Variants in CDK6 observed in about 807,000 individuals in gnomAD.
CDK6 encodes cyclin-dependent kinase 6.
A neutral mutation model predicts 37.1 loss-of-function variants in CDK6; 6 were observed. The observed-to-expected ratio is 0.16, with a 90% CI of 0.09 to 0.32. CDK6 has a LOEUF of 0.32. CDK6 is among the 10% of genes least tolerant of loss of function. The pLI is 1.00. For synonymous variants in CDK6, 160 were observed against 161.3 expected (o/e 0.99, Z 0.06); for missense variants, 224 against 418.9 (o/e 0.53, Z 4.06).
chr7:92,670,077 A>G (rs1163438909), intron 5 of CDK6, among the ~76,000 whole-genome samples: 1 of 152,220 alleles, frequency 6.6e-6, no homozygotes, highest in Non-Finnish European at 1.5e-5. Context: ...GGAAAAAAGC[A>G]ACACCAGAAT....
At chr7:92,774,936 C>T in intron 2 of CDK6, 105 bp from the exon 3 acceptor site, 1 of 995,454 alleles carries the variant, frequency 1.0e-6, no homozygotes, top group Non-Finnish European at 1.5e-6. Flanking sequence ...AAAAAAAAGG[C>T]CAGTGTTGAT....
chr7:92,775,477 G>C (rs1799827846), intron 2 of CDK6, among the ~76,000 whole-genome samples: 2 of 152,052 alleles, frequency 1.3e-5, no homozygotes, highest in South Asian at 4.1e-4. Flanking sequence ...ACCTGCATTG[G>C]TAAACTATAT....
intron 4 of CDK6, among the ~76,000 whole-genome samples, chr7:92,701,446 C>T (rs1019691650): frequency 1.3e-5 from 2 of 151,668 alleles, no homozygotes; most frequent in African/African-American, 4.8e-5. Flanking sequence ...CGCTCTGTCG[C>T]CCAGGCTGGA....
chr7:92,796,767 A>G (rs1800423985), intron 2 of CDK6, among the ~76,000 whole-genome samples: 1 of 152,196 alleles, frequency 6.6e-6, no homozygotes, highest in Non-Finnish European at 1.5e-5. Context: ...TTCCACTTAT[A>G]CCAGTTAAAC....
At position 92,612,007 on chromosome 7, in the gene CDK6, T is replaced by G. The variant is rs551083861; in HGVS notation, c.*3133A>C. 1 of 232,972 alleles carries G rather than the reference T, an allele frequency of 4.3e-6. No homozygotes were observed. The highest frequency in any genetic ancestry group is 5.6e-5 in the Admixed American group (1 of 17,794). The allele number at this position is 232,972 out of a possible 1,614,324, so 14.4% of individuals were successfully genotyped here. ...AGTGGGAGGCTCCAACCCACTGGGT[T>G]CTTACAAGTGCTTAGAAATTGTATT... is the stretch of plus-strand genomic sequence containing the variant. On this transcript the variant is annotated 3_prime_UTR_variant, in exon 8 of 8. Transcript: ENST00000424848.
intron 4 of CDK6, among the ~76,000 whole-genome samples, chr7:92,717,109 G>A (rs1372088853): frequency 1.3e-5 from 2 of 152,058 alleles, no homozygotes; most frequent in Non-Finnish European, 2.9e-5. Flanking sequence ...CACTTTGGGA[G>A]GCTGAGACAA....
intron 5 of CDK6, among the ~76,000 whole-genome samples, chr7:92,646,139 C>A (rs1275815531): frequency 6.6e-6 from 1 of 152,192 alleles, no homozygotes; most frequent in Non-Finnish European, 1.5e-5. Flanking sequence ...CTTCAGGAAG[C>A]CCCTATTATT....
intron 7 of CDK6, among the ~76,000 whole-genome samples, chr7:92,617,584 T>C (rs1455824452): frequency 6.6e-6 from 1 of 152,170 alleles, no homozygotes. Flanking sequence ...CAGTGAGGTA[T>C]TTTATATGTC....
rs1346913749 is a variant in CDK6, at chr7:92,608,673, A to G, written c.*6467T>C. The G allele has an allele frequency of 8.6e-6, 2 of 231,450 alleles. No individual in the cohort carries two copies. Among genetic ancestry groups the G allele is most frequent in the Admixed American group, 5.6e-5 (1 of 17,720 alleles). The allele number at this position is 231,450 out of a possible 1,614,324, so 14.3% of individuals were successfully genotyped here. On this transcript the variant is annotated 3_prime_UTR_variant, in exon 8 of 8. Transcript: ENST00000424848. The stretch of plus-strand genomic sequence containing the variant: ...ACTTTCGGAGAATTGTGTTGTACTT[A>G]TTTATGCACAGAAGACACCCGTTTG...
chr7:92,611,156 CACT>C lies in CDK6; in HGVS notation c.*3981_*3983del. ...TCCAGAATTTCCTTTATCTATTGCC[CACT>C]GTTTTATGAATAATTTTTAAAGCCT... On this transcript the variant is annotated 3_prime_UTR_variant, in exon 8 of 8. Transcript: ENST00000424848. 1 of 226,734 alleles carries C rather than the reference CACT, an allele frequency of 4.4e-6. No individual in the cohort carries two copies. Among genetic ancestry groups the C allele is most frequent in the African/African-American group, 2.2e-5 (1 of 45,020 alleles). The allele number at this position is 226,734 out of a possible 1,614,324, so 14.0% of individuals were successfully genotyped here. A position where few individuals can be genotyped will look rare whatever the true frequency, so the allele number is the denominator to read the frequency against.
chr7:92,802,874 A>C (rs1800618599), intron 2 of CDK6, among the ~76,000 whole-genome samples: 1 of 152,118 alleles, frequency 6.6e-6, no homozygotes, highest in African/African-American at 2.4e-5. Context: ...TCTACTCACT[A>C]AATACTAATC....
intron 2 of CDK6, among the ~76,000 whole-genome samples, chr7:92,828,920 G>A (rs7808102): frequency 3.9e-4 from 59 of 152,068 alleles, no homozygotes; most frequent in African/African-American, 1.4e-3. Context: ...GAGACAGAAA[G>A]AACAAACATA....
chr7:92,687,103 C>T (rs944323096), intron 4 of CDK6, among the ~76,000 whole-genome samples: 8 of 152,184 alleles, frequency 5.3e-5, no homozygotes, highest in Non-Finnish European at 7.3e-5. Flanking sequence ...AGAACTCTGA[C>T]ATATGGCAAA....
chr7:92,827,611 C>T (rs943468732), intron 2 of CDK6, among the ~76,000 whole-genome samples: 4 of 152,152 alleles, frequency 2.6e-5, no homozygotes, highest in Non-Finnish European at 5.9e-5. Flanking sequence ...CTCCACCAAA[C>T]CTAGCATCTA....
At position 92,614,451 on chromosome 7, in the gene CDK6, A is replaced by T. The variant is rs1795628201; in HGVS notation, c.*689T>A. On this transcript the variant is annotated 3_prime_UTR_variant, in exon 8 of 8. Coordinates refer to ENST00000424848, the MANE Select transcript of CDK6 (RefSeq NM_001145306.2). ...TGCACATCTCTTAAAATATACTAGAATTTTTTCTCCTTTTTGCTGTGTGTA... is the reference window on the plus strand; with the variant it reads ...TGCACATCTCTTAAAATATACTAGATTTTTTTCTCCTTTTTGCTGTGTGTA... 4.3e-6 allele frequency: 1 copy of T among 233,096 alleles called. No homozygotes were observed. The highest frequency in any genetic ancestry group is 8.5e-6 in the Non-Finnish European group (1 of 117,986). The allele number at this position is 233,096 out of a possible 1,614,324, so 14.4% of individuals were successfully genotyped here. A position where few individuals can be genotyped will look rare whatever the true frequency, so the allele number is the denominator to read the frequency against.
chr7:92,614,300 T>G lies in CDK6; in HGVS notation c.*840A>C, dbSNP rs1282700043. ...CTATCTGAGGTACACTCCCTAAACCTATAGCAAGTAATAAAAAGCTTACAG... is the reference window on the plus strand; with the variant it reads ...CTATCTGAGGTACACTCCCTAAACCGATAGCAAGTAATAAAAAGCTTACAG... On this transcript the variant is annotated 3_prime_UTR_variant, in exon 8 of 8. Coordinates refer to ENST00000424848, the MANE Select transcript of CDK6 (RefSeq NM_001145306.2). 1 of 232,804 alleles carries G rather than the reference T, an allele frequency of 4.3e-6. No homozygotes were observed. Among genetic ancestry groups the G allele is most frequent in the Non-Finnish European group, 8.5e-6 (1 of 117,928 alleles). 14.4% of individuals were successfully genotyped at this position (232,804 alleles called of 1,614,324 possible).
intron 4 of CDK6, among the ~76,000 whole-genome samples, chr7:92,718,283 C>A (rs1326373658): frequency 6.6e-6 from 1 of 152,160 alleles, no homozygotes; most frequent in Non-Finnish European, 1.5e-5. Context: ...GTGTGTCCTG[C>A]ACTTTCGCTG....
chr7:92,689,139 T>C (rs952026480), intron 4 of CDK6, among the ~76,000 whole-genome samples: 1 of 152,170 alleles, frequency 6.6e-6, no homozygotes, highest in Non-Finnish European at 1.5e-5. Context: ...ACAAGGCTCA[T>C]AGGCTTTACA....
chr7:92,755,290 C>T (rs998398945), intron 3 of CDK6, among the ~76,000 whole-genome samples: 6 of 151,946 alleles, frequency 3.9e-5, no homozygotes, highest in Admixed American at 2.0e-4. Context: ...TGTTTAACCT[C>T]GGGGAACGTC....
Sources: allele counts gnomAD v4.1 joint callset (sites outside exome capture counted in the v4.1 genomes callset), GRCh38; gene constraint gnomAD v4.1.1; transcripts MANE v1.5; gene names NCBI Gene and HGNC (gene_info 2026-07-23, HGNC 2026-07-21).